The following NCALD variants were observed in gnomAD, a reference collection of about 807,000 sequenced individuals.
NCALD encodes neurocalcin-delta.
Under a neutral mutation model 18.6 loss-of-function variants are expected in NCALD, and 10 were observed. The observed-to-expected ratio is 0.54, with a 90% CI of 0.33 to 0.91. The LOEUF (loss-of-function observed/expected upper bound fraction) is 0.91. Ranked by LOEUF, NCALD falls within the 40% of genes least tolerant of loss-of-function variation. The pLI, the probability that NCALD is intolerant of heterozygous loss-of-function variation, is 0.03. For synonymous variants in NCALD, 88 were observed against 87.4 expected (o/e 1.01, Z -0.04); for missense variants, 184 against 247.6 (o/e 0.74, Z 1.72).
chr8:101,883,492 C>A (rs1431621784), intron 4 of NCALD, among the ~76,000 whole-genome samples: 2 of 152,150 alleles, frequency 1.3e-5, no homozygotes, highest in African/African-American at 4.8e-5. Context: ...GAATGAGGCA[C>A]AGGGAGGACA....
chr8:102,116,739 C>T (rs568526068), intron 1 of NCALD, among the ~76,000 whole-genome samples: 1 of 152,092 alleles, frequency 6.6e-6, no homozygotes, highest in Admixed American at 6.6e-5. Context: ...AACTCCTGGG[C>T]TCAAGCAATC....
chr8:101,865,315 C>A (rs1464707091), intron 4 of NCALD, among the ~76,000 whole-genome samples: 1 of 152,134 alleles, frequency 6.6e-6, no homozygotes, highest in African/African-American at 2.4e-5. Flanking sequence ...GCACAGAAGT[C>A]AAATATTTTC....
chr8:101,903,014 A>G (rs1050550060), intron 3 of NCALD, among the ~76,000 whole-genome samples: 1 of 151,992 alleles, frequency 6.6e-6, no homozygotes, highest in African/African-American at 2.4e-5. Context: ...TACAGCCTCT[A>G]CTCTCCAGGA....
At chr8:102,107,461 C>A (rs1825511002) in intron 1 of NCALD, among the ~76,000 whole-genome samples, 1 of 151,880 alleles carries the variant, frequency 6.6e-6, no homozygotes, top group East Asian at 1.9e-4. Flanking sequence ...CTGGTAAAAT[C>A]AAGGTATGAA....
chr8:101,902,599 T>C (rs985538543), intron 3 of NCALD, among the ~76,000 whole-genome samples: 1 of 152,214 alleles, frequency 6.6e-6, no homozygotes, highest in African/African-American at 2.4e-5. Flanking sequence ...GAACAAGCAG[T>C]GTTGCAGCAT....
At chr8:101,710,353 C>T (rs1053168661) in intron 2 of NCALD, among the ~76,000 whole-genome samples, 1 of 152,094 alleles carries the variant, frequency 6.6e-6, no homozygotes, top group Non-Finnish European at 1.5e-5. Flanking sequence ...GGGCAGACAA[C>T]ACGCTAGCTG....
At chr8:102,053,307 T>C (rs1024140436) in intron 1 of NCALD, among the ~76,000 whole-genome samples, 14 of 152,232 alleles carry the variant, frequency 9.2e-5, no homozygotes, top group African/African-American at 2.7e-4. Context: ...AATACTGATA[T>C]TAAATATGTA....
At position 102,109,238 on chromosome 8, in the gene NCALD, CTAGTTTA is replaced by C. The variant is rs1430150230; in HGVS notation, c.-210+14992_-210+14998del. 2.0e-5 allele frequency among the ~76,000 whole-genome samples: 3 copies of C among 151,578 alleles called. No homozygotes were observed. The East Asian group carries it at 5.8e-4, about 29-fold the overall frequency. ...TATTTGGTTTATTAGCTATAAACCACTAGTTTATAGCTGAAAAAAATGTACACATAAA... is the reference window on the plus strand; with the variant it reads ...TATTTGGTTTATTAGCTATAAACCACTAGCTGAAAAAAATGTACACATAAA... On this transcript the variant is annotated intron_variant, in intron 1 of 6. Coordinates refer to the NCALD transcript ENST00000311028.
intron 2 of NCALD, among the ~76,000 whole-genome samples, chr8:101,932,380 C>G (rs969135738): frequency 6.6e-6 from 1 of 152,180 alleles, no homozygotes; most frequent in South Asian, 2.1e-4. Context: ...CATCCCCATT[C>G]GCCTACCCAA....
In NCALD at chr8:101,687,540, C is replaced by T. The variant is rs1814523627; in HGVS notation, c.*1769G>A. ...TGGTCTACCATACAAATTTGGATTT[C>T]TGCTGCCAATTACAGCAGACTCAAG... is the stretch of plus-strand genomic sequence containing the variant. On this transcript the variant is annotated 3_prime_UTR_variant, in exon 4 of 4. Transcript: ENST00000220931. 1 of 152,534 alleles carries T rather than the reference C, an allele frequency of 6.6e-6. No homozygotes were observed. Among genetic ancestry groups the T allele is most frequent in the African/African-American group, 2.4e-5 (1 of 41,444 alleles). 9.4% of individuals were successfully genotyped at this position (152,534 alleles called of 1,614,324 possible). A position where few individuals can be genotyped will look rare whatever the true frequency, so the allele number is the denominator to read the frequency against.
chr8:101,926,223 C>A (rs929699826), intron 2 of NCALD, among the ~76,000 whole-genome samples: 2 of 152,238 alleles, frequency 1.3e-5, no homozygotes, highest in African/African-American at 4.8e-5. Flanking sequence ...CTCATGAATT[C>A]CTGCTTCTGG....
chr8:101,839,101 T>C (rs79298215), intron 4 of NCALD, among the ~76,000 whole-genome samples: 1,681 of 152,328 alleles, frequency 0.011, 12 homozygotes, highest in Non-Finnish European at 0.018. Flanking sequence ...TGGGTACTCA[T>C]GATGCCCAAG....
Position 101,745,852 on chromosome 8 carries a change from C to T in NCALD, c.-19-26204G>A, listed in dbSNP as rs570479541. Reference sequence around the variant, plus strand: ...TCACCTCACTTCACAGATGAGGACACTGAGGTTTAGGGAGATTAAATAATT... The same window carrying T: ...TCACCTCACTTCACAGATGAGGACATTGAGGTTTAGGGAGATTAAATAATT... On this transcript the variant is annotated intron_variant, in intron 1 of 3. Coordinates refer to ENST00000220931, the MANE Select transcript of NCALD (RefSeq NM_032041.3). The T allele has an allele frequency of 9.8e-5, 15 of 152,290 alleles. No individual in the cohort carries two copies. The South Asian group carries it at 1.5e-3, about 15-fold the overall frequency. The allele number at this position is 152,290 out of a possible 1,614,324, so 9.4% of individuals were successfully genotyped here.
At chr8:101,732,377 G>C (rs1015716685) in intron 1 of NCALD, among the ~76,000 whole-genome samples, 1 of 152,134 alleles carries the variant, frequency 6.6e-6, no homozygotes, top group East Asian at 1.9e-4. Context: ...ATCCTCTAGA[G>C]GCCACAAATT....
Position 101,924,702 on chromosome 8 carries a change from A to G in NCALD, c.-156-8844T>C, listed in dbSNP as rs535001286. Among the ~76,000 whole-genome samples the G allele has an allele frequency of 1.2e-4, 18 of 152,338 alleles. No homozygotes were observed. The East Asian group carries it at 1.5e-3, about 13-fold the overall frequency. Reference sequence around the variant, plus strand: ...ATTTGTTGGTCTGCAGTGAAAAACCAGAGATCTTGCTAAGATGGAGGCCAT... The same window carrying G: ...ATTTGTTGGTCTGCAGTGAAAAACCGGAGATCTTGCTAAGATGGAGGCCAT... On this transcript the variant is annotated intron_variant, in intron 2 of 6. Coordinates refer to the NCALD transcript ENST00000311028.
chr8:102,096,785 C>G (rs77741405), intron 1 of NCALD, among the ~76,000 whole-genome samples: 3,544 of 152,278 alleles, frequency 0.023, 123 homozygotes, highest in African/African-American at 0.08. Flanking sequence ...TGCTGGGGCC[C>G]ACTCCCACCC....
At chr8:101,771,201 C>T (rs1407891546) in intron 1 of NCALD, among the ~76,000 whole-genome samples, 1 of 152,194 alleles carries the variant, frequency 6.6e-6, no homozygotes, top group Non-Finnish European at 1.5e-5. Context: ...AGAGCCTTGG[C>T]TAGGACTGTG....
rs147907771 is a variant in NCALD, at chr8:101,764,504, C to T, written c.-20+26358G>A. On this transcript the variant is annotated intron_variant, in intron 1 of 3. Transcript: ENST00000220931. Reference sequence around the variant, plus strand: ...ACACTGGAGAAGTGGCACCAAAGTCCCATTGGAGTGGGTTTAGGATGAATA... The same window carrying T: ...ACACTGGAGAAGTGGCACCAAAGTCTCATTGGAGTGGGTTTAGGATGAATA... 7.9e-3 allele frequency among the ~76,000 whole-genome samples: 1,206 copies of T among 152,206 alleles called. 9 individuals carry two copies. The highest frequency in any genetic ancestry group is 0.041 in the Middle Eastern group (12 of 294).
At chr8:101,909,338 G>A (rs1429412990) in intron 3 of NCALD, among the ~76,000 whole-genome samples, 2 of 152,196 alleles carry the variant, frequency 1.3e-5, no homozygotes, top group Non-Finnish European at 2.9e-5. Context: ...AAAGGATGAA[G>A]TATCCACCCT....
Sources: gnomAD v4.1 joint callset for allele counts (sites outside exome capture counted in the v4.1 genomes callset) on GRCh38, gnomAD v4.1.1 for gene constraint, MANE v1.5 for transcripts, NCBI Gene and HGNC (gene_info 2026-07-23, HGNC 2026-07-21) for gene names.